Variants in TIMMDC1 observed in about 807,000 individuals in gnomAD.
TIMMDC1 encodes translocase of inner mitochondrial membrane domain containing 1.
A neutral mutation model predicts 32.6 loss-of-function variants in TIMMDC1; 25 were observed. The ratio of observed to expected loss-of-function variants is 0.77; its 90% CI spans 0.56 to 1.07. TIMMDC1 has a LOEUF of 1.07. Ranked by LOEUF, TIMMDC1 falls within the 50% of genes least tolerant of loss-of-function variation. TIMMDC1 has a pLI of 0.00. For missense variants in TIMMDC1, 329 were observed against 349.2 expected (o/e 0.94, Z 0.46); for synonymous variants, 130 against 127.6 (o/e 1.02, Z -0.13).
At chr3:119,512,684 G>C (rs967608342) in intron 4 of TIMMDC1, among the ~76,000 whole-genome samples, 2 of 152,112 alleles carry the variant, frequency 1.3e-5, no homozygotes, top group Admixed American at 1.3e-4. Context: ...TTTGATTCTT[G>C]TTAATTTTGA....
chr3:119,523,534 C>A, intron 6 of TIMMDC1, 72 bp from the exon 7 acceptor site: 1 of 1,431,788 alleles, frequency 7.0e-7, no homozygotes. Flanking sequence ...AAATGCTATC[C>A]TTTTTGTTTT....
In TIMMDC1 at chr3:119,499,092, CTTTTT is replaced by C. The variant is rs11317621; in HGVS notation, c.194+179_194+183del. On this transcript the variant is annotated intron_variant, in intron 1 of 6. Transcript: ENST00000494664. ...ACCCAAGCTTGTATCTTTTTTCTTTCTTTTTTTTTTTTTTTTTTCCAGACAGGGTC... is the reference window on the plus strand; with the variant it reads ...ACCCAAGCTTGTATCTTTTTTCTTTCTTTTTTTTTTTTTCCAGACAGGGTC... 1,017 of 401,560 alleles carry C rather than the reference CTTTTT, an allele frequency of 2.5e-3. 2 individuals carry two copies. The highest frequency in any genetic ancestry group is 8.8e-3 in the African/African-American group (364 of 41,274). 24.9% of individuals were successfully genotyped at this position (401,560 alleles called of 1,614,324 possible). A position where few individuals can be genotyped will look rare whatever the true frequency, so the allele number is the denominator to read the frequency against.
intron 5 of TIMMDC1, among the ~76,000 whole-genome samples, chr3:119,514,919 G>A (rs1489244686): frequency 2.6e-5 from 4 of 152,164 alleles, no homozygotes; most frequent in Non-Finnish European, 5.9e-5. Flanking sequence ...GCCAGGCACA[G>A]TGGCTCACAC....
chr3:119,516,326 T>C (rs894334023), intron 5 of TIMMDC1, among the ~76,000 whole-genome samples: 9 of 152,228 alleles, frequency 5.9e-5, no homozygotes, highest in Non-Finnish European at 1.2e-4. Context: ...AGATACTTCA[T>C]ATGAGTGGAA....
At chr3:119,519,973 A>G (rs1233400889) in intron 6 of TIMMDC1, among the ~76,000 whole-genome samples, 2 of 152,202 alleles carry the variant, frequency 1.3e-5, no homozygotes, top group African/African-American at 4.8e-5. Context: ...AAACTGTGCA[A>G]ATACACAGAA....
intron 6 of TIMMDC1, among the ~76,000 whole-genome samples, chr3:119,522,426 G>A (rs1329852044): frequency 7.3e-6 from 1 of 136,962 alleles, no homozygotes; most frequent in Non-Finnish European, 1.7e-5. Context: ...CATAAGAAGA[G>A]GAGATTTAAG....
chr3:119,523,539 T>G, intron 6 of TIMMDC1, 67 bp from the exon 7 acceptor site: 1 of 1,447,422 alleles, frequency 6.9e-7, no homozygotes, highest in East Asian at 2.4e-5. Context: ...CTATCCTTTT[T>G]GTTTTAAATC....
At chr3:119,508,556 C>T (rs2081933136) in intron 4 of TIMMDC1, among the ~76,000 whole-genome samples, 2 of 152,158 alleles carry the variant, frequency 1.3e-5, no homozygotes, top group South Asian at 4.1e-4. Context: ...TTTTGCCCCA[C>T]ATCTTGACAA....
At chr3:119,518,925 G>T (rs1481988152) in intron 6 of TIMMDC1, among the ~76,000 whole-genome samples, 1 of 152,172 alleles carries the variant, frequency 6.6e-6, no homozygotes, top group Non-Finnish European at 1.5e-5. Flanking sequence ...CCTGCCAAGA[G>T]TATTATACCT....
At chr3:119,508,394 G>A (rs1191284450) in intron 4 of TIMMDC1, among the ~76,000 whole-genome samples, 5 of 152,326 alleles carry the variant, frequency 3.3e-5, no homozygotes, top group Admixed American at 1.3e-4. Context: ...TATTTTGAGG[G>A]CAGCAGTTTA....
Position 119,503,531 on chromosome 3 carries a change from G to A in TIMMDC1, c.361-1G>A. On this transcript the variant is annotated splice_acceptor_variant, in intron 2 of 6. Transcript: ENST00000494664. LOFTEE classifies it high-confidence loss of function. The stretch of plus-strand genomic sequence containing the variant: ...CCTCACAGTTTTTTAATTAACTTTA[G>A]CAATCTGCACATCGTGCTGCCACAC... 3.1e-6 allele frequency: 5 copies of A among 1,600,816 alleles called. No homozygotes were observed. Among genetic ancestry groups the A allele is most frequent in the Non-Finnish European group, 3.4e-6 (4 of 1,175,720 alleles).
At chr3:119,502,619 C>T (rs534123310) in intron 2 of TIMMDC1, among the ~76,000 whole-genome samples, 65 of 151,970 alleles carry the variant, frequency 4.3e-4, no homozygotes, top group African/African-American at 1.4e-3. Context: ...AGTGCAGCGG[C>T]GCGATCATAG....
rs2081840249 is a variant in TIMMDC1 at position 119,498,557 on chromosome 3, C to T, written c.-177C>T. ...GGCGGGACTTCCTGTGTCGTATTTC[C>T]AAGGACTCCAAAGCGAGGCCGGGGA... On this transcript the variant is annotated 5_prime_UTR_variant, in exon 1 of 7. Transcript: ENST00000494664. 6.5e-6 allele frequency: 4 copies of T among 615,700 alleles called. No individual in the cohort carries two copies. The highest frequency in any genetic ancestry group is 6.0e-5 in the South Asian group (3 of 50,162). The allele number at this position is 615,700 out of a possible 1,614,324, so 38.1% of individuals were successfully genotyped here.
In TIMMDC1 at chr3:119,523,639, T is replaced by A. The variant is rs750434673; in HGVS notation, c.741T>A (p.Pro247=). Reference sequence around the variant, plus strand: ...GACTACAAGTTACTGAGCACCTCCCTGAGAAAATTGAAAGTAGTTTACAGG... The same window carrying A: ...GACTACAAGTTACTGAGCACCTCCCAGAGAAAATTGAAAGTAGTTTACAGG... The part of the protein sequence containing the change: ...KGRLQVTEHL[P]EKIESSLQED... Residue 247 remains proline (P), a synonymous_variant, in exon 7 of 7, where the codon CCT becomes CCA. Coordinates refer to ENST00000494664, the MANE Select transcript of TIMMDC1 (RefSeq NM_016589.4). 3 of 1,612,298 alleles carry A rather than the reference T, an allele frequency of 1.9e-6. No homozygotes were observed. Among genetic ancestry groups the A allele is most frequent in the Non-Finnish European group, 2.5e-6 (3 of 1,179,094 alleles).
chr3:119,502,803 C>T (rs1284217317), intron 2 of TIMMDC1, among the ~76,000 whole-genome samples: 1 of 152,030 alleles, frequency 6.6e-6, no homozygotes, highest in African/African-American at 2.4e-5. Context: ...TCAAGTGATC[C>T]TCCCTAGTTG....
At chr3:119,521,092 G>C (rs2082023695) in intron 6 of TIMMDC1, among the ~76,000 whole-genome samples, 2 of 152,168 alleles carry the variant, frequency 1.3e-5, no homozygotes, top group Non-Finnish European at 2.9e-5. Flanking sequence ...TCTCAGTACA[G>C]TAAAGGCCAT....
chr3:119,502,546 A>C (rs563220483), intron 2 of TIMMDC1, among the ~76,000 whole-genome samples: 1 of 151,380 alleles, frequency 6.6e-6, no homozygotes, highest in South Asian at 2.1e-4. Flanking sequence ...TTTATTTTTT[A>C]ATTAATTAAT....
At chr3:119,501,183 G>C (rs944294666) in intron 2 of TIMMDC1, among the ~76,000 whole-genome samples, 13 of 152,204 alleles carry the variant, frequency 8.5e-5, no homozygotes, top group Non-Finnish European at 1.8e-4. Flanking sequence ...GCCTCCATGA[G>C]TATAGGAGCT....
intron 2 of TIMMDC1, among the ~76,000 whole-genome samples, 157 bp downstream of exon 2, chr3:119,501,017 T>TA (rs959631411): frequency 8.5e-5 from 13 of 152,352 alleles, no homozygotes; most frequent in African/African-American, 2.9e-4. Flanking sequence ...GTACTAATGT[T>TA]AAAGTGCCTG....
Sources: gnomAD v4.1 joint callset for allele counts (sites outside exome capture counted in the v4.1 genomes callset) on GRCh38, gnomAD v4.1.1 for gene constraint, MANE v1.5 for transcripts, NCBI Gene and HGNC (gene_info 2026-07-23, HGNC 2026-07-21) for gene names.